PLCG2: variants seen among roughly 807,000 people sequenced by gnomAD.
PLCG2 encodes the protein 1-phosphatidylinositol 4,5-bisphosphate phosphodiesterase gamma-2.
A neutral mutation model predicts 175.6 loss-of-function variants in PLCG2; 69 were observed. The ratio of observed to expected loss-of-function variants is 0.39; its 90% confidence interval spans 0.32 to 0.48. The LOEUF (loss-of-function observed/expected upper bound fraction) is 0.48. PLCG2 is among the 20% of genes least tolerant of loss of function. The probability of loss-of-function intolerance (pLI) is 0.91; values close to 1 mark genes in which losing one functional copy is unlikely to be tolerated. For synonymous variants in PLCG2, 827 were observed against 624.0 expected (o/e 1.33, Z -4.85); for missense variants, 1,798 against 1,650.9 (o/e 1.09, Z -1.54).
At chr16:81,907,141 T>A (rs1252020794) in intron 15 of PLCG2, among the ~76,000 whole-genome samples, 2 of 148,098 alleles carry the variant, frequency 1.4e-5, no homozygotes, top group African/African-American at 5.0e-5. Context: ...TAAAGTATAA[T>A]AAAAAAATAC....
chr16:81,895,653 G>C, intron 12 of PLCG2, 154 bp from the exon 13 acceptor site: 1 of 740,294 alleles, frequency 1.4e-6, no homozygotes, highest in Non-Finnish European at 2.3e-6. Context: ...GAACCCTGCG[G>C]ATACAGGGAA....
chr16:81,764,246 T>C (rs1910097940), intron 2 of PLCG2, among the ~76,000 whole-genome samples: 1 of 152,082 alleles, frequency 6.6e-6, no homozygotes, highest in Admixed American at 6.6e-5. Context: ...TAAGCTGTGA[T>C]TGATTGAGCC....
rs762066972 is a variant in PLCG2, at chr16:81,897,517, TTTTTTCTC to T, written c.1193+1596_1193+1603del. 2.3e-3 allele frequency among the ~76,000 whole-genome samples: 348 copies of T among 149,764 alleles called. 4 individuals are homozygous for T. The highest frequency in any genetic ancestry group is 3.9e-3 in the Non-Finnish European group (264 of 67,848). ...ACTGTTGAGTCAATAAGATCGATTA[TTTTTTCTC>T]TTTTTTTCTTTTCTTTTCTTTTCTT... On this transcript the variant is annotated intron_variant, in intron 13 of 32. Coordinates refer to ENST00000564138, the MANE Select transcript of PLCG2 (RefSeq NM_002661.5).
At chr16:81,776,083 C>CTTTCTTTCTTTCTTGCTTGCTT, upstream of PLCG2, among the ~76,000 whole-genome samples, 2 of 81,848 alleles carry the variant, frequency 2.4e-5, no homozygotes, top group Non-Finnish European at 5.4e-5. Context: ...TTCTCTCTCT[C>CTTTCTTTCTTTCTTGCTTGCTT]TCTCTCTTTC....
chr16:81,841,890 C>T (rs758922139), intron 2 of PLCG2, among the ~76,000 whole-genome samples: 3 of 152,212 alleles, frequency 2.0e-5, no homozygotes, highest in Non-Finnish European at 4.4e-5. Flanking sequence ...CAGTAAGCAA[C>T]GCTGGGGCTT....
Position 81,928,608 on chromosome 16 carries a change from C to T in PLCG2, c.2565C>T (p.Leu855=), listed in dbSNP as rs1201627622. The change falls in exon 24 of 33, where the codon CTC becomes CTT. Residue 855 remains leucine (L), a synonymous_variant. Transcript: ENST00000564138. ...LGSLCRGILD[L]NTYNVVKAPQ... Reference sequence around the variant, plus strand: ...CTCTTTGCAGAGGAATATTGGACCTCAATACCTATAACGTCGGTACGTGCA... The same window carrying T: ...CTCTTTGCAGAGGAATATTGGACCTTAATACCTATAACGTCGGTACGTGCA... The T allele has an allele frequency of 1.2e-6, 2 of 1,606,932 alleles. No homozygotes were observed. The highest frequency in any genetic ancestry group is 4.5e-5 in the East Asian group (2 of 44,844).
Position 81,959,748 on chromosome 16 carries a change from G to GC in PLCG2, c.*1754dup, listed in dbSNP as rs1437641575. On this transcript the variant is annotated 3_prime_UTR_variant, in exon 33 of 33. Coordinates refer to ENST00000564138, the MANE Select transcript of PLCG2 (RefSeq NM_002661.5). ...GTGCTGCAGGCACTCTGTAGCCAGGGCCCCATTAGCCTTTGGCCAGGTAGC... is the reference window on the plus strand; with the variant it reads ...GTGCTGCAGGCACTCTGTAGCCAGGGCCCCCATTAGCCTTTGGCCAGGTAGC... 5.4e-6 allele frequency: 1 copy of GC among 184,716 alleles called. No homozygotes were observed. Among genetic ancestry groups the GC allele is most frequent in the Non-Finnish European group, 1.1e-5 (1 of 87,178 alleles). 11.4% of individuals were successfully genotyped at this position (184,716 alleles called of 1,614,324 possible).
At chr16:81,908,656 G>A (rs548635485) in intron 17 of PLCG2, 65 bp downstream of exon 17, 9 of 1,436,336 alleles carry the variant, frequency 6.3e-6, no homozygotes, top group South Asian at 4.0e-5. Flanking sequence ...GCAGGGTGGC[G>A]AGTGGTTCTA....
At chr16:81,824,046 T>TCCTG (rs1904932991) in intron 2 of PLCG2, among the ~76,000 whole-genome samples, 3 of 108,706 alleles carry the variant, frequency 2.8e-5, no homozygotes, top group African/African-American at 1.3e-4. Context: ...TTCCTTTCCT[T>TCCTG]TCCTGTCCTG....
At chr16:81,766,584 T>A (rs1488770582) in intron 2 of PLCG2, 1 of 152,666 alleles carries the variant, frequency 6.6e-6, no homozygotes, top group East Asian at 1.9e-4. Context: ...CCCATTATAT[T>A]CATCTGCTCT....
intron 2 of PLCG2, among the ~76,000 whole-genome samples, chr16:81,803,281 T>G (rs557559382): frequency 1.1e-4 from 17 of 151,648 alleles, no homozygotes; most frequent in South Asian, 1.0e-3. Flanking sequence ...ACCACGCCTG[T>G]CTAATTTTTT....
At chr16:81,938,681 A>C in intron 28 of PLCG2, 120 bp from the exon 29 acceptor site, 4 of 622,248 alleles carry the variant, frequency 6.4e-6, no homozygotes, top group Non-Finnish European at 1.1e-5. Context: ...CAGTGAATCT[A>C]GGAAAATTAG....
At chr16:81,816,904 C>T (rs1212288082) in intron 2 of PLCG2, among the ~76,000 whole-genome samples, 1 of 152,086 alleles carries the variant, frequency 6.6e-6, no homozygotes, top group Non-Finnish European at 1.5e-5. Context: ...CACCTGGGGC[C>T]ACATCCGGTT....
intron 2 of PLCG2, among the ~76,000 whole-genome samples, chr16:81,847,803 A>G (rs1054169871): frequency 1.3e-5 from 2 of 152,220 alleles, no homozygotes; most frequent in Non-Finnish European, 2.9e-5. Context: ...GATTTAAGGT[A>G]TATGGAGGGA....
chr16:81,851,101 C>G (rs926338747), intron 2 of PLCG2, among the ~76,000 whole-genome samples: 6 of 152,204 alleles, frequency 3.9e-5, no homozygotes, highest in East Asian at 1.9e-4. Context: ...CCCTAATACT[C>G]TACCCCACAA....
intron 2 of PLCG2, among the ~76,000 whole-genome samples, chr16:81,844,334 G>T (rs72832063): frequency 6.6e-6 from 1 of 150,610 alleles, no homozygotes; most frequent in African/African-American, 2.5e-5. Context: ...TTCTTCTTTC[G>T]GATGGAGTTT....
intron 2 of PLCG2, among the ~76,000 whole-genome samples, chr16:81,805,770 T>TTG (rs796665978): frequency 0.016 from 1,441 of 87,902 alleles, 70 homozygotes; most frequent in African/African-American, 0.049. Context: ...TTGTTTTGTT[T>TTG]TTTTTTTTTT....
intron 2 of PLCG2, among the ~76,000 whole-genome samples, chr16:81,799,329 T>G (rs1169794296): frequency 6.6e-6 from 1 of 151,536 alleles, no homozygotes; most frequent in Non-Finnish European, 1.5e-5. Flanking sequence ...TTTCACAACA[T>G]GCGACCCTTT....
chr16:81,779,409 C>T lies in PLCG2; in HGVS notation c.-63C>T, dbSNP rs1910627220. 1 of 151,314 alleles carries T rather than the reference C, an allele frequency of 6.6e-6. No homozygotes were observed. The highest frequency in any genetic ancestry group is 2.4e-5 in the African/African-American group (1 of 41,430). 9.4% of individuals were successfully genotyped at this position (151,314 alleles called of 1,614,324 possible). ...CCCGGGGCAGGCGGGCAGCTGTGCCCGGGCGGCACGGCCAGGTGAGCTGCC... is the reference window on the plus strand; with the variant it reads ...CCCGGGGCAGGCGGGCAGCTGTGCCTGGGCGGCACGGCCAGGTGAGCTGCC... On this transcript the variant is annotated 5_prime_UTR_variant, in exon 1 of 33. Coordinates refer to ENST00000564138, the MANE Select transcript of PLCG2 (RefSeq NM_002661.5).
Sources: allele counts gnomAD v4.1 joint callset (sites outside exome capture counted in the v4.1 genomes callset), GRCh38; gene constraint gnomAD v4.1.1; transcripts MANE v1.5; gene names NCBI Gene and HGNC (gene_info 2026-07-23, HGNC 2026-07-21).